Variants in RNF150 observed in about 807,000 individuals in gnomAD.
The protein encoded by RNF150 is ring finger protein 150.
Under a neutral mutation model 39.3 loss-of-function variants are expected in RNF150, and 24 were observed. That is an observed-to-expected ratio of 0.61 (90% CI 0.44 to 0.86). RNF150 has a LOEUF of 0.86. Among genes scored for constraint, RNF150 ranks in the 40% least tolerant of loss-of-function variants. The pLI is 0.00. For missense variants in RNF150, 502 were observed against 587.8 expected, an observed-to-expected ratio of 0.85 and a Z score of 1.51; for synonymous variants, 255 against 227.3, an observed-to-expected ratio of 1.12 and a Z score of -1.10.
chr4:141,151,226 G>A (rs760208041), intron 1 of RNF150, among the ~76,000 whole-genome samples: 2 of 152,106 alleles, frequency 1.3e-5, no homozygotes, highest in Non-Finnish European at 2.9e-5. Flanking sequence ...TTACAGGCAT[G>A]AGCCAACATG....
Position 141,149,846 on chromosome 4 carries a change from C to T in RNF150, c.-6+62948G>A, listed in dbSNP as rs189671665. On this transcript the variant is annotated intron_variant, in intron 1 of 7. Transcript: ENST00000420921. The stretch of plus-strand genomic sequence containing the variant: ...ATAGCAGTGGTACTAGTTTACAATC[C>T]CACCAACATTGTAAAAGTGTTCCTT... Among the ~76,000 whole-genome samples, 4 of 152,272 alleles carry T rather than the reference C, an allele frequency of 2.6e-5. No individual in the cohort carries two copies. The East Asian group carries it at 5.8e-4, about 22-fold the overall frequency.
chr4:141,189,549 A>G (rs1400351782), intron 1 of RNF150, among the ~76,000 whole-genome samples: 2 of 152,166 alleles, frequency 1.3e-5, no homozygotes, highest in East Asian at 1.9e-4. Context: ...AGTTTTATCT[A>G]TAAGCCTCTG....
At chr4:141,121,665 G>T (rs1021995446) in intron 1 of RNF150, among the ~76,000 whole-genome samples, 3 of 151,806 alleles carry the variant, frequency 2.0e-5, no homozygotes, top group African/African-American at 7.3e-5. Flanking sequence ...CTTCTTGCTG[G>T]TCACCAAAAC....
At chr4:140,915,394 A>T (rs1046893711) in intron 5 of RNF150, among the ~76,000 whole-genome samples, 2 of 152,236 alleles carry the variant, frequency 1.3e-5, no homozygotes, top group Non-Finnish European at 2.9e-5. Context: ...CATCTTGCTG[A>T]TATAATTAAC....
chr4:140,901,417 G>T (rs960500698), intron 6 of RNF150, among the ~76,000 whole-genome samples: 1 of 152,142 alleles, frequency 6.6e-6, no homozygotes, highest in Non-Finnish European at 1.5e-5. Flanking sequence ...TCATACTATC[G>T]TTCTGGAGAA....
At chr4:141,029,143 C>T (rs555621067) in intron 1 of RNF150, among the ~76,000 whole-genome samples, 113 of 152,144 alleles carry the variant, frequency 7.4e-4, no homozygotes, top group African/African-American at 2.6e-3. Flanking sequence ...TTGATATGCC[C>T]GGAGAAGAAG....
intron 1 of RNF150, among the ~76,000 whole-genome samples, chr4:141,000,086 GGAGA>G (rs1734602612): frequency 3.3e-5 from 2 of 60,656 alleles, no homozygotes; most frequent in African/African-American, 1.1e-4. Flanking sequence ...AGAAGAAGAA[GGAGA>G]AGAAGAAGAA....
chr4:141,091,762 T>A (rs1738590586), intron 1 of RNF150, among the ~76,000 whole-genome samples: 2 of 152,018 alleles, frequency 1.3e-5, no homozygotes, highest in Non-Finnish European at 2.9e-5. Flanking sequence ...TTCTCAGACA[T>A]CCTATAAGAC....
intron 1 of RNF150, among the ~76,000 whole-genome samples, chr4:141,082,102 C>T (rs905331615): frequency 7.2e-5 from 11 of 152,210 alleles, no homozygotes; most frequent in Non-Finnish European, 1.5e-4. Flanking sequence ...GGGCAAGAGG[C>T]ACCACTGCAG....
At chr4:140,996,635 G>A (rs569499508) in intron 1 of RNF150, among the ~76,000 whole-genome samples, 16 of 152,238 alleles carry the variant, frequency 1.1e-4, no homozygotes, top group South Asian at 2.1e-4. Flanking sequence ...CCTGTTAAAC[G>A]TTACGAAAAT....
intron 6 of RNF150, among the ~76,000 whole-genome samples, chr4:140,895,977 C>T (rs1729927474): frequency 6.9e-6 from 1 of 144,804 alleles, no homozygotes; most frequent in East Asian, 2.0e-4. Flanking sequence ...CAAATCAAAA[C>T]CACTATGAGA....
At position 141,132,620 on chromosome 4, in the gene RNF150, G is replaced by A; in HGVS notation, c.189C>T (p.Gly63=). The A allele has an allele frequency of 6.5e-7, 1 of 1,544,650 alleles. No homozygotes were observed. The highest frequency in any genetic ancestry group is 8.7e-7 in the Non-Finnish European group (1 of 1,149,354). ...PDPGAGAAGG[G]GAELHTEKTE... is the part of the protein sequence containing the mutation. ...TCTTCTCCGTGTGCAGCTCCGCGCC[G>A]CCGCCGCCCGCCGCCCCGGCCCCGG... The change falls in exon 1 of 7, where the codon GGC becomes GGT. Residue 63 remains glycine, a synonymous_variant. Transcript: ENST00000515673. The surrounding 1 kb of genome is among the most constrained non-coding windows in gnomAD (Gnocchi z 4.9).
rs568233428 is a variant in RNF150, at chr4:140,948,028, G to A, written c.808-292C>T. 9.2e-5 allele frequency among the ~76,000 whole-genome samples: 14 copies of A among 152,224 alleles called. No individual in the cohort carries two copies. The South Asian group carries it at 2.7e-3, about 29-fold the overall frequency. On this transcript the variant is annotated intron_variant, in intron 3 of 6. Transcript: ENST00000515673. ...GGCAACATATCAAAATTTTCAGGAT[G>A]AGAAATAATATTTGTGGTGAATCAT...
chr4:141,177,522 A>G (rs922918253), intron 1 of RNF150, among the ~76,000 whole-genome samples: 1 of 151,898 alleles, frequency 6.6e-6, no homozygotes, highest in Non-Finnish European at 1.5e-5. Flanking sequence ...TGCAATGTAC[A>G]TTAATATCAA....
intron 5 of RNF150, among the ~76,000 whole-genome samples, chr4:140,925,077 A>G (rs1731336077): frequency 6.6e-6 from 1 of 152,232 alleles, no homozygotes; most frequent in Non-Finnish European, 1.5e-5. Context: ...AGGAATGACA[A>G]TAGGCAGGTG....
chr4:140,957,609 A>C (rs1184031623), intron 2 of RNF150, among the ~76,000 whole-genome samples: 2 of 152,154 alleles, frequency 1.3e-5, no homozygotes, highest in African/African-American at 4.8e-5. Flanking sequence ...ACGTATGTTT[A>C]TTGCGGCATT....
intron 5 of RNF150, among the ~76,000 whole-genome samples, chr4:140,915,636 G>A (rs1421060104): frequency 6.6e-6 from 1 of 152,188 alleles, no homozygotes; most frequent in Non-Finnish European, 1.5e-5. Context: ...TGTTCAGCTG[G>A]CCTTTAAAAA....
At chr4:141,200,492 A>G (rs1578794180) in intron 1 of RNF150, among the ~76,000 whole-genome samples, 2 of 147,866 alleles carry the variant, frequency 1.4e-5, no homozygotes, top group South Asian at 2.2e-4. Flanking sequence ...TCTTCCTGCT[A>G]TATTCTCATA....
At chr4:141,020,436 C>G (rs896164912) in intron 1 of RNF150, among the ~76,000 whole-genome samples, 6 of 152,154 alleles carry the variant, frequency 3.9e-5, no homozygotes, top group African/African-American at 1.4e-4. Flanking sequence ...TAGAATCCAA[C>G]TTAATCTCTG....
Sources: gnomAD v4.1 joint callset for allele counts (sites outside exome capture counted in the v4.1 genomes callset) on GRCh38, gnomAD v4.1.1 for gene constraint, Gnocchi (gnomAD v3.1) non-coding constraint, MANE v1.5 for transcripts, NCBI Gene and HGNC (gene_info 2026-07-23, HGNC 2026-07-21) for gene names.